The following ACAP2 variants were observed in gnomAD, a reference collection of about 807,000 sequenced individuals.
ACAP2 encodes the protein arf-GAP with coiled-coil, ANK repeat and PH domain-containing protein 2.
In ACAP2, 39 loss-of-function variants were observed where a neutral mutation model predicts 115.8. The observed-to-expected ratio is 0.34, with a 90% CI of 0.26 to 0.44. The LOEUF is 0.44. ACAP2 is among the 20% of genes least tolerant of loss of function. ACAP2 has a pLI of 1.00. For synonymous variants in ACAP2, 289 were observed against 315.8 expected (o/e 0.92, Z 0.90); for missense variants, 662 against 927.6 (o/e 0.71, Z 3.72).
chr3:195,331,595 G>A (rs1730172478), intron 8 of ACAP2, among the ~76,000 whole-genome samples: 1 of 151,844 alleles, frequency 6.6e-6, no homozygotes, highest in African/African-American at 2.4e-5. Flanking sequence ...TTACAGGCAT[G>A]AGCCACCATG....
chr3:195,414,436 C>T (rs1234993939), intron 1 of ACAP2, among the ~76,000 whole-genome samples: 4 of 152,090 alleles, frequency 2.6e-5, no homozygotes, highest in African/African-American at 9.7e-5. Context: ...CCACACTATC[C>T]AGCAATCACT....
rs1317399577 is a variant in ACAP2, at chr3:195,278,637, GCTT to G, written c.*688_*690del. The stretch of plus-strand genomic sequence containing the variant: ...TTTTTGTGATTAAAAAAAAAAAAGA[GCTT>G]CTTTTTGCTGCATAAAATAAATCTA... On this transcript the variant is annotated 3_prime_UTR_variant, in exon 23 of 23. Transcript: ENST00000326793. The G allele has an allele frequency of 1.3e-5, 2 of 150,542 alleles. No homozygotes were observed. Among genetic ancestry groups the G allele is most frequent in the Admixed American group, 6.6e-5 (1 of 15,104 alleles). The allele number at this position is 150,542 out of a possible 1,614,324, so 9.3% of individuals were successfully genotyped here. A position where few individuals can be genotyped will look rare whatever the true frequency, so the allele number is the denominator to read the frequency against.
At chr3:195,328,929 A>T (rs1018774845) in intron 8 of ACAP2, among the ~76,000 whole-genome samples, 1 of 151,940 alleles carries the variant, frequency 6.6e-6, no homozygotes, top group Non-Finnish European at 1.5e-5. Context: ...AATACAAAAC[A>T]ATTAGCCGGG....
intron 1 of ACAP2, among the ~76,000 whole-genome samples, chr3:195,422,108 T>C (rs902467750): frequency 7.2e-5 from 11 of 152,238 alleles, no homozygotes; most frequent in Non-Finnish European, 1.5e-4. Flanking sequence ...TAACCTCTTA[T>C]GAAATGAATC....
intron 13 of ACAP2, among the ~76,000 whole-genome samples, chr3:195,306,173 T>C (rs918631543): frequency 1.3e-5 from 2 of 152,208 alleles, no homozygotes; most frequent in African/African-American, 2.4e-5. Flanking sequence ...TTTGCTTTCA[T>C]TCAGTTTTAA....
chr3:195,341,800 A>G (rs565359350), intron 6 of ACAP2, among the ~76,000 whole-genome samples: 2 of 152,306 alleles, frequency 1.3e-5, no homozygotes, highest in South Asian at 4.2e-4. Flanking sequence ...TATTTTCCCT[A>G]TTGTCAGTAA....
intron 2 of ACAP2, among the ~76,000 whole-genome samples, chr3:195,382,688 A>C (rs994943843): frequency 1.3e-5 from 2 of 152,148 alleles, no homozygotes; most frequent in Admixed American, 1.3e-4. Context: ...GAAGAGGATA[A>C]AGAGCCAAGA....
intron 7 of ACAP2, 68 bp from the exon 8 acceptor site, chr3:195,333,191 T>C (rs1730289901): frequency 5.8e-6 from 4 of 690,274 alleles, no homozygotes; most frequent in Non-Finnish European, 8.8e-6. Context: ...ATATTACATA[T>C]ATATATAAAA....
intron 1 of ACAP2, among the ~76,000 whole-genome samples, chr3:195,412,421 A>T (rs1713352684): frequency 2.8e-5 from 4 of 143,538 alleles, no homozygotes; most frequent in Non-Finnish European, 6.1e-5. Context: ...CTCTACTATT[A>T]AAAAAAAAAA....
intron 1 of ACAP2, among the ~76,000 whole-genome samples, chr3:195,423,120 T>C (rs1560355600): frequency 6.6e-6 from 1 of 152,276 alleles, no homozygotes; most frequent in East Asian, 1.9e-4. Flanking sequence ...AATGTCCTTA[T>C]TTTTACGAGC....
intron 14 of ACAP2, among the ~76,000 whole-genome samples, 156 bp from the exon 15 acceptor site, chr3:195,301,800 C>A (rs947271249): frequency 2.0e-5 from 3 of 152,204 alleles, no homozygotes; most frequent in Admixed American, 6.5e-5. Context: ...CCAAAGTCCT[C>A]AACAGCTTTT....
intron 16 of ACAP2, among the ~76,000 whole-genome samples, chr3:195,296,146 CCTTCT>C (rs1727644694): frequency 6.6e-6 from 1 of 152,010 alleles, no homozygotes; most frequent in Non-Finnish European, 1.5e-5. Flanking sequence ...GCTACTCTTC[CCTTCT>C]CTTAATTTCT....
At chr3:195,341,539 T>C (rs1730879914) in intron 6 of ACAP2, among the ~76,000 whole-genome samples, 1 of 152,120 alleles carries the variant, frequency 6.6e-6, no homozygotes, top group Non-Finnish European at 1.5e-5. Context: ...TTAGCCAGGA[T>C]GGTCTCAATC....
chr3:195,373,008 A>AAAAAAAAAAAAAAAAAAAAC (rs1733272559), intron 4 of ACAP2, among the ~76,000 whole-genome samples: 1 of 149,708 alleles, frequency 6.7e-6, no homozygotes, highest in Non-Finnish European at 1.5e-5. Context: ...AAAAAAAAAA[A>AAAAAAAAAAAAAAAAAAAAC]AAAAGCCTAA....
intron 2 of ACAP2, among the ~76,000 whole-genome samples, chr3:195,390,070 C>T (rs1734562730): frequency 6.6e-6 from 1 of 152,176 alleles, no homozygotes; most frequent in Non-Finnish European, 1.5e-5. Flanking sequence ...GTGGCGTGAG[C>T]CTGAGGTCCC....
chr3:195,345,917 G>A (rs1031682803), intron 4 of ACAP2, among the ~76,000 whole-genome samples: 2 of 152,160 alleles, frequency 1.3e-5, no homozygotes, highest in Non-Finnish European at 2.9e-5. Flanking sequence ...AGATGGCTCT[G>A]TGTATGATAA....
At chr3:195,367,952 G>A (rs1577366797) in intron 4 of ACAP2, among the ~76,000 whole-genome samples, 1 of 152,224 alleles carries the variant, frequency 6.6e-6, no homozygotes, top group African/African-American at 2.4e-5. Flanking sequence ...GCTGTTTTAA[G>A]TCACAAAGTT....
Position 195,302,074 on chromosome 3 carries a change from T to C in ACAP2, c.1217A>G (p.Gln406Arg), listed in dbSNP as rs1158470856. The C allele has an allele frequency of 3.7e-6, 6 of 1,614,082 alleles. No homozygotes were observed. The highest frequency in any genetic ancestry group is 5.1e-6 in the Non-Finnish European group (6 of 1,180,046). ...LKGESALQRV[Q>R]CIPGNASCCD... is the part of the protein sequence containing the mutation. The stretch of plus-strand genomic sequence containing the variant: ...ACAGCTGGCATTGCCAGGGATACAC[T>C]GGACCCGCTGAAGCGCACTTTCTCC... Residue 406 changes from glutamine to arginine, a missense_variant, in exon 14 of 23, where the codon CAG becomes CGG. By Grantham distance (43) the Gln-to-Arg change is conservative (BLOSUM62 1). Around this residue, in one of 3 missense-constraint regions of ACAP2, gnomAD observed 401 missense variants for 604.4 expected, o/e 0.66. Transcript: ENST00000326793.
intron 1 of ACAP2, among the ~76,000 whole-genome samples, chr3:195,428,184 T>C (rs765064012): frequency 2.0e-5 from 3 of 151,592 alleles, no homozygotes; most frequent in Admixed American, 6.6e-5. Flanking sequence ...ACTGTATATA[T>C]ATACATACAT....
Sources: gnomAD v4.1 joint callset for allele counts (sites outside exome capture counted in the v4.1 genomes callset) on GRCh38, gnomAD v4.1.1 for gene constraint, gnomAD v4.1.1 regional missense constraint, MANE v1.5 for transcripts, NCBI Gene and HGNC (gene_info 2026-07-23, HGNC 2026-07-21) for gene names.